Variants in PSMF1 observed in about 807,000 individuals in gnomAD.
The protein encoded by PSMF1 is proteasome inhibitor subunit 1.
PSMF1 carries 30 observed loss-of-function variants against 29.3 expected under a neutral mutation model. That is an observed-to-expected ratio of 1.02 (90% CI 0.77 to 1.39). The LOEUF (loss-of-function observed/expected upper bound fraction) is 1.39. Ranked by LOEUF, PSMF1 falls within the 40% of genes most tolerant of loss-of-function variation. The probability of loss-of-function intolerance (pLI) is 0.00; values close to 1 mark genes in which losing one functional copy is unlikely to be tolerated. For missense variants in PSMF1, 344 were observed against 357.5 expected (o/e 0.96, Z 0.31); for synonymous variants, 134 against 139.7 (o/e 0.96, Z 0.29).
At chr20:1,152,144 G>A (rs2086539292) in intron 4 of PSMF1, among the ~76,000 whole-genome samples, 1 of 151,950 alleles carries the variant, frequency 6.6e-6, no homozygotes, top group Admixed American at 6.6e-5. Context: ...AATATTTATT[G>A]AGCTTTTACT....
chr20:1,143,082 T>A (rs892349614), intron 4 of PSMF1, among the ~76,000 whole-genome samples: 7 of 152,198 alleles, frequency 4.6e-5, no homozygotes, highest in African/African-American at 1.7e-4. Flanking sequence ...ACTCCACAAA[T>A]TGATACACTA....
intron 4 of PSMF1, among the ~76,000 whole-genome samples, chr20:1,138,744 C>T (rs2086341629): frequency 6.6e-6 from 1 of 150,910 alleles, no homozygotes; most frequent in Non-Finnish European, 1.5e-5. Flanking sequence ...AGGGTCACTT[C>T]AACCTGGGAG....
chr20:1,118,555 A>C, upstream of PSMF1: 2 of 494,720 alleles, frequency 4.0e-6, no homozygotes, highest in South Asian at 7.0e-5. Context: ...TCGCGTTGCC[A>C]ACCCGGCGCG....
chr20:1,154,431 T>C (rs1022929101), intron 4 of PSMF1, among the ~76,000 whole-genome samples: 1 of 152,236 alleles, frequency 6.6e-6, no homozygotes, highest in Non-Finnish European at 1.5e-5. Context: ...TATTGCTCTG[T>C]TTGCTCAGGG....
intron 4 of PSMF1, among the ~76,000 whole-genome samples, chr20:1,157,879 G>T (rs1329537745): frequency 6.6e-6 from 1 of 152,022 alleles, no homozygotes; most frequent in Non-Finnish European, 1.5e-5. Flanking sequence ...TAATCACAGG[G>T]CATGGTAATA....
At chr20:1,153,973 A>T (rs1274809199) in intron 4 of PSMF1, among the ~76,000 whole-genome samples, 1 of 152,244 alleles carries the variant, frequency 6.6e-6, no homozygotes, top group Non-Finnish European at 1.5e-5. Context: ...ATTTGTAGTT[A>T]CGCATGCATA....
In PSMF1 at chr20:1,165,172, G is replaced by T. The variant is rs568802161; in HGVS notation, c.*92G>T. ...CAGCAACCATGTTCTTGCAGGCTGGGGGCAAGGGATTCTGCTCATGTGTTT... is the reference window on the plus strand; with the variant it reads ...CAGCAACCATGTTCTTGCAGGCTGGTGGCAAGGGATTCTGCTCATGTGTTT... On this transcript the variant is annotated 3_prime_UTR_variant, in exon 7 of 7. Transcript: ENST00000335877. 1.2e-6 allele frequency: 2 copies of T among 1,605,438 alleles called. No individual in the cohort carries two copies. Among genetic ancestry groups the T allele is most frequent in the Non-Finnish European group, 1.7e-6 (2 of 1,175,348 alleles).
At chr20:1,149,982 A>G (rs1363294952) in intron 4 of PSMF1, among the ~76,000 whole-genome samples, 3 of 147,008 alleles carry the variant, frequency 2.0e-5, no homozygotes, top group Admixed American at 2.0e-4. Flanking sequence ...CCATGATCAC[A>G]CCACTGTACT....
chr20:1,148,382 A>G (rs1293542990), intron 4 of PSMF1, among the ~76,000 whole-genome samples: 1 of 152,212 alleles, frequency 6.6e-6, no homozygotes, highest in African/African-American at 2.4e-5. Flanking sequence ...CTTTTGCTTC[A>G]TCTGTCCTCT....
chr20:1,118,911 C>T lies in PSMF1; in HGVS notation c.129+9C>T, dbSNP rs769646946. On this transcript the variant is annotated intron_variant, in intron 1 of 6. Coordinates refer to ENST00000335877, the MANE Select transcript of PSMF1 (RefSeq NM_006814.5). ...TGGGTGTCGGTGACCAGGTACGCCACGGAGCCGGCCAGGGTGGAGGAGGGA... is the reference window on the plus strand; with the variant it reads ...TGGGTGTCGGTGACCAGGTACGCCATGGAGCCGGCCAGGGTGGAGGAGGGA... 6.2e-7 allele frequency: 1 copy of T among 1,613,714 alleles called. No individual in the cohort carries two copies. The highest frequency in any genetic ancestry group is 8.5e-7 in the Non-Finnish European group (1 of 1,179,764).
At chr20:1,117,586 C>T (rs182786128), upstream of PSMF1, among the ~76,000 whole-genome samples, 153 of 152,276 alleles carry the variant, frequency 1.0e-3, 1 homozygote, top group African/African-American at 2.5e-3. Context: ...TCAAGTGATC[C>T]GCCTGCCTCG....
At chr20:1,149,386 A>C (rs1301104883) in intron 4 of PSMF1, among the ~76,000 whole-genome samples, 1 of 152,230 alleles carries the variant, frequency 6.6e-6, no homozygotes, top group Non-Finnish European at 1.5e-5. Flanking sequence ...CTATTGTAGA[A>C]GATCGTGTAT....
At chr20:1,128,711 T>A (rs569044934) in intron 3 of PSMF1, among the ~76,000 whole-genome samples, 1 of 152,272 alleles carries the variant, frequency 6.6e-6, no homozygotes, top group South Asian at 2.1e-4. Flanking sequence ...TTCATTGACC[T>A]CCTCAGGGTT....
chr20:1,159,974 G>GC (rs2086646126), intron 4 of PSMF1, among the ~76,000 whole-genome samples: 1 of 152,158 alleles, frequency 6.6e-6, no homozygotes, highest in South Asian at 2.1e-4. Context: ...ACGTGCCAGT[G>GC]CCCCAGAACT....
intron 1 of PSMF1, among the ~76,000 whole-genome samples, chr20:1,120,609 C>T (rs903359897): frequency 2.6e-5 from 4 of 152,198 alleles, no homozygotes; most frequent in African/African-American, 9.7e-5. Context: ...TTGCCCCAGT[C>T]ATTTTATTTC....
intron 3 of PSMF1, among the ~76,000 whole-genome samples, chr20:1,128,012 A>G (rs1490388644): frequency 6.6e-6 from 1 of 152,216 alleles, no homozygotes; most frequent in Non-Finnish European, 1.5e-5. Context: ...TAATGAGTCT[A>G]CATTGACACA....
At chr20:1,120,484 A>C (rs932112373) in intron 1 of PSMF1, among the ~76,000 whole-genome samples, 1 of 151,840 alleles carries the variant, frequency 6.6e-6, no homozygotes, top group Non-Finnish European at 1.5e-5. Flanking sequence ...GACCAGGTAG[A>C]GACAGCACCC....
chr20:1,164,266 C>T lies in PSMF1; in HGVS notation c.606-52C>T. ...CATTGTAACCTCCCTCGCCTTTTCT[C>T]CAAGGGCAGTCCTTGCCACACCTGC... On this transcript the variant is annotated intron_variant, in intron 5 of 6. Transcript: ENST00000335877. The surrounding 1 kb of genome is among the most constrained non-coding windows in gnomAD (Gnocchi z 4.1). 3.9e-6 allele frequency: 6 copies of T among 1,543,766 alleles called. No homozygotes were observed. The Admixed American group carries it at 6.7e-5, about 17-fold the overall frequency.
intron 3 of PSMF1, among the ~76,000 whole-genome samples, chr20:1,127,716 G>A (rs1315018340): frequency 6.6e-6 from 1 of 152,190 alleles, no homozygotes; most frequent in Non-Finnish European, 1.5e-5. Flanking sequence ...ACAAGATGGT[G>A]CAGTCAAGAG....
Sources: allele counts gnomAD v4.1 joint callset (sites outside exome capture counted in the v4.1 genomes callset), GRCh38; gene constraint gnomAD v4.1.1; non-coding constraint Gnocchi (gnomAD v3.1); transcripts MANE v1.5; gene names NCBI Gene and HGNC (gene_info 2026-07-23, HGNC 2026-07-21).